Variants in MAPK8 observed in about 807,000 individuals in gnomAD.
MAPK8 encodes the protein mitogen-activated protein kinase 8.
In MAPK8, 13 loss-of-function variants were observed where a neutral mutation model predicts 52.9. That is an observed-to-expected ratio of 0.25 (90% CI 0.16 to 0.39). The LOEUF (loss-of-function observed/expected upper bound fraction) is 0.39, where lower values mean the gene tolerates loss of function less well. MAPK8 is among the 10% of genes least tolerant of loss of function. The pLI is 1.00. For synonymous variants in MAPK8, 191 were observed against 169.8 expected (o/e 1.12, Z -0.97); for missense variants, 300 against 519.2 (o/e 0.58, Z 4.10).
chr10:48,379,741 C>T (rs1005388937), intron 1 of MAPK8, among the ~76,000 whole-genome samples: 13 of 152,074 alleles, frequency 8.5e-5, no homozygotes, highest in Admixed American at 6.6e-4. Context: ...TTCATGTTGG[C>T]TTAGCAATCT....
At chr10:48,401,537 TA>T in intron 1 of MAPK8, 74 bp from the exon 2 acceptor site, 1 of 953,540 alleles carries the variant, frequency 1.0e-6, no homozygotes, top group Non-Finnish European at 1.6e-6. Context: ...TATCAGTACG[TA>T]AACAGTAAGG....
At chr10:48,328,926 G>T (rs73293184) in intron 1 of MAPK8, among the ~76,000 whole-genome samples, 5 of 151,668 alleles carry the variant, frequency 3.3e-5, no homozygotes, top group African/African-American at 9.8e-5. Context: ...TATCTAATTT[G>T]ATTTTTCTGC....
intron 1 of MAPK8, among the ~76,000 whole-genome samples, chr10:48,383,387 G>T (rs949452703): frequency 6.6e-6 from 1 of 152,136 alleles, no homozygotes; most frequent in African/African-American, 2.4e-5. Context: ...AAGGGAAAAG[G>T]ATCAGTAACA....
intron 3 of MAPK8, 141 bp downstream of exon 3, chr10:48,405,122 T>TA (rs68158603): frequency 7.9e-6 from 2 of 252,318 alleles, no homozygotes; most frequent in Non-Finnish European, 1.5e-5. Context: ...TATATATATA[T>TA]ATATATCTAC....
At position 48,436,263 on chromosome 10, in the gene MAPK8, TA is replaced by T. The variant is rs1458999586; in HGVS notation, c.*1235del. The T allele has an allele frequency of 2.6e-5, 4 of 152,238 alleles. No homozygotes were observed. Among genetic ancestry groups the T allele is most frequent in the Admixed American group, 6.5e-5 (1 of 15,286 alleles). 9.4% of individuals were successfully genotyped at this position (152,238 alleles called of 1,614,324 possible). On this transcript the variant is annotated 3_prime_UTR_variant, in exon 12 of 12. Coordinates refer to ENST00000374189, the MANE Select transcript of MAPK8 (RefSeq NM_001323329.2). ...TGGTGGTTATTTAGTCTAAGTCTTTTATTTTTTTATACCTGATTTTCAACAT... is the reference window on the plus strand; with the variant it reads ...TGGTGGTTATTTAGTCTAAGTCTTTTTTTTTTTATACCTGATTTTCAACAT...
chr10:48,374,654 C>G (rs1013941348), intron 1 of MAPK8, among the ~76,000 whole-genome samples: 2 of 152,156 alleles, frequency 1.3e-5, no homozygotes, highest in Admixed American at 1.3e-4. Context: ...TGGAGAAATT[C>G]CTGAACATAT....
chr10:48,353,973 A>T (rs954549238), intron 1 of MAPK8, among the ~76,000 whole-genome samples: 1 of 152,212 alleles, frequency 6.6e-6, no homozygotes, highest in Non-Finnish European at 1.5e-5. Context: ...TGGTAGTGAC[A>T]CAAATCTGCA....
intron 1 of MAPK8, among the ~76,000 whole-genome samples, chr10:48,384,361 G>A (rs1589142493): frequency 1.3e-5 from 2 of 152,186 alleles, no homozygotes; most frequent in African/African-American, 2.4e-5. Flanking sequence ...GGTACAGTGA[G>A]GTAAAGACCC....
In MAPK8 at chr10:48,313,937, C is replaced by T. The variant is rs372519759; in HGVS notation, c.-50+7116C>T. Reference sequence around the variant, plus strand: ...CTTGGCCTCCAAAGTGCTGGGATTACGGGTGTGAGCCACCGCACGTGGCCT... The same window carrying T: ...CTTGGCCTCCAAAGTGCTGGGATTATGGGTGTGAGCCACCGCACGTGGCCT... On this transcript the variant is annotated intron_variant, in intron 1 of 11. Transcript: ENST00000374189. Among the ~76,000 whole-genome samples, 29 of 152,226 alleles carry T rather than the reference C, an allele frequency of 1.9e-4. No homozygotes were observed. In the East Asian group the frequency reaches 4.6e-3, roughly 24 times the overall value.
intron 3 of MAPK8, among the ~76,000 whole-genome samples, 184 bp from the exon 4 acceptor site, chr10:48,409,695 C>A (rs930789383): frequency 6.6e-6 from 1 of 152,146 alleles, no homozygotes; most frequent in South Asian, 2.1e-4. Flanking sequence ...ACCTATCCAT[C>A]CCCTCCTCCA....
chr10:48,324,808 C>T (rs1843341535), intron 1 of MAPK8, among the ~76,000 whole-genome samples: 1 of 152,162 alleles, frequency 6.6e-6, no homozygotes, highest in Admixed American at 6.5e-5. Context: ...TCCATTATAA[C>T]AATGGGTTTC....
intron 1 of MAPK8, among the ~76,000 whole-genome samples, chr10:48,377,686 A>T (rs1000707339): frequency 2.0e-5 from 3 of 152,034 alleles, no homozygotes; most frequent in Non-Finnish European, 4.4e-5. Context: ...GATAAAAGGA[A>T]CCTGGGTCCT....
chr10:48,311,297 C>T (rs1009537086), intron 1 of MAPK8, among the ~76,000 whole-genome samples: 6 of 152,154 alleles, frequency 3.9e-5, no homozygotes, highest in African/African-American at 1.2e-4. Context: ...CCAGAATATG[C>T]CATTTGTTTC....
At chr10:48,311,296 G>A (rs1030726354) in intron 1 of MAPK8, among the ~76,000 whole-genome samples, 4 of 152,132 alleles carry the variant, frequency 2.6e-5, no homozygotes, top group Non-Finnish European at 4.4e-5. Context: ...TCCAGAATAT[G>A]CCATTTGTTT....
intron 1 of MAPK8, among the ~76,000 whole-genome samples, chr10:48,352,872 T>G (rs1420740317): frequency 2.0e-5 from 3 of 152,086 alleles, no homozygotes; most frequent in African/African-American, 7.2e-5. Context: ...TCCTAAGTAA[T>G]CTACAAAAAA....
intron 1 of MAPK8, among the ~76,000 whole-genome samples, chr10:48,358,105 A>G (rs1847156520): frequency 6.6e-6 from 1 of 152,202 alleles, no homozygotes. Flanking sequence ...GGCTGTTGTG[A>G]ATAGTGCTGC....
At chr10:48,356,480 C>A (rs1295401850) in intron 1 of MAPK8, among the ~76,000 whole-genome samples, 1 of 152,110 alleles carries the variant, frequency 6.6e-6, no homozygotes, top group Non-Finnish European at 1.5e-5. Flanking sequence ...CCAAATATAT[C>A]ATTAACTACA....
At chr10:48,376,467 T>A (rs1383131839) in intron 1 of MAPK8, among the ~76,000 whole-genome samples, 2 of 151,950 alleles carry the variant, frequency 1.3e-5, no homozygotes, top group Non-Finnish European at 2.9e-5. Context: ...TGGGAGAAAA[T>A]TTTTGCAATC....
chr10:48,351,479 G>T (rs1846319999), intron 1 of MAPK8, among the ~76,000 whole-genome samples: 1 of 151,504 alleles, frequency 6.6e-6, no homozygotes, highest in Non-Finnish European at 1.5e-5. Context: ...CAAAGTGTTG[G>T]GATTGTACCC....
Sources: allele counts gnomAD v4.1 joint callset (sites outside exome capture counted in the v4.1 genomes callset), GRCh38; gene constraint gnomAD v4.1.1; transcripts MANE v1.5; gene names NCBI Gene and HGNC (gene_info 2026-07-23, HGNC 2026-07-21).